The following EFCAB6 variants were observed in gnomAD, a reference collection of about 807,000 sequenced individuals.
EFCAB6 encodes EF-hand calcium binding domain 6.
EFCAB6 carries 156 observed loss-of-function variants against 169.8 expected under a neutral mutation model. The observed-to-expected ratio is 0.92, with a 90% confidence interval of 0.81 to 1.05. The LOEUF (loss-of-function observed/expected upper bound fraction) is 1.05, where lower values mean the gene tolerates loss of function less well. Among genes scored for constraint, EFCAB6 ranks in the 50% least tolerant of loss-of-function variants. EFCAB6 has a pLI of 0.00. For synonymous variants in EFCAB6, 698 were observed against 676.4 expected, an observed-to-expected ratio of 1.03 and a Z score of -0.50; for missense variants, 1,800 against 1,829.1, an observed-to-expected ratio of 0.98 and a Z score of 0.29.
rs185178172 is a variant in EFCAB6 at position 43,633,359 on chromosome 22, C to A, written c.2099-1121G>T. ...GGTCAAGAGATCGAGACCATCCTGG[C>A]CAACATGGTGAAACCCCATCTCTAC... On this transcript the variant is annotated intron_variant, in intron 18 of 31. Coordinates refer to ENST00000262726, the MANE Select transcript of EFCAB6 (RefSeq NM_022785.4). 2.0e-3 allele frequency among the ~76,000 whole-genome samples: 308 copies of A among 152,310 alleles called. 1 individual carries two copies. The highest frequency in any genetic ancestry group is 7.1e-3 in the African/African-American group (296 of 41,580).
chr22:43,744,532 A>C lies in EFCAB6; in HGVS notation c.508-8539T>G, dbSNP rs1333614259. Among the ~76,000 whole-genome samples the C allele has an allele frequency of 6.6e-6, 1 of 152,106 alleles. No homozygotes were observed. The highest frequency in any genetic ancestry group is 1.5e-5 in the Non-Finnish European group (1 of 68,016). On this transcript the variant is annotated intron_variant, in intron 6 of 31. Coordinates refer to ENST00000262726, the MANE Select transcript of EFCAB6 (RefSeq NM_022785.4). The surrounding 1 kb of genome is among the most constrained non-coding windows in gnomAD (Gnocchi z 4.3). ...GTTAAGAGGACACCATGACAGGTAG[A>C]AATCTTGAGCTGTCCTGTTCCCAAG... is the stretch of plus-strand genomic sequence containing the variant.
At chr22:43,709,629 C>G (rs1478189350) in intron 10 of EFCAB6, among the ~76,000 whole-genome samples, 1 of 152,110 alleles carries the variant, frequency 6.6e-6, no homozygotes, top group Non-Finnish European at 1.5e-5. Context: ...GAATGTGGAA[C>G]AATGAAAATA....
chr22:43,598,095 T>C (rs1284513923), intron 23 of EFCAB6, among the ~76,000 whole-genome samples: 1 of 151,906 alleles, frequency 6.6e-6, no homozygotes, highest in Non-Finnish European at 1.5e-5. Context: ...GTGGGTGAGC[T>C]CAGGAGTTTG....
At chr22:43,668,715 A>G (rs1307188659) in intron 16 of EFCAB6, among the ~76,000 whole-genome samples, 157 bp downstream of exon 16, 1 of 152,214 alleles carries the variant, frequency 6.6e-6, no homozygotes, top group Non-Finnish European at 1.5e-5. Context: ...TGCTTGCTCT[A>G]AAATTCCCTG....
chr22:43,741,105 C>T (rs1318388357), intron 6 of EFCAB6, among the ~76,000 whole-genome samples: 1 of 152,098 alleles, frequency 6.6e-6, no homozygotes, highest in Non-Finnish European at 1.5e-5. Context: ...CAAGACTTGT[C>T]CCACACAGGG....
chr22:43,803,074 A>G (rs997322190), intron 2 of EFCAB6, among the ~76,000 whole-genome samples: 7 of 152,172 alleles, frequency 4.6e-5, no homozygotes, highest in African/African-American at 1.7e-4. Context: ...GGAGGGGAAA[A>G]CAAATTTATT....
At chr22:43,547,425 T>C (rs1356829826) in intron 27 of EFCAB6, among the ~76,000 whole-genome samples, 4 of 151,984 alleles carry the variant, frequency 2.6e-5, no homozygotes, top group Non-Finnish European at 5.9e-5. Flanking sequence ...AAACCAATAG[T>C]GGGGAAAAAA....
chr22:43,716,906 G>T lies in EFCAB6; in HGVS notation c.824C>A (p.Ser275Tyr). The change falls in exon 9 of 32, where the codon TCT becomes TAT. Residue 275 changes from serine (S) to tyrosine (Y), a missense_variant. Physicochemically the swap from Ser to Tyr is moderately radical, Grantham distance 144. Transcript: ENST00000262726. The part of the protein sequence containing the change: ...KKERLLGSAS[S>Y]EDIWRNYSLD... ...GGAGTAGTTTCTCCAGATATCTTCA[G>T]ATGATGCAGAACCTAGCAAACGTTC... is the stretch of plus-strand genomic sequence containing the variant. 6.2e-7 allele frequency: 1 copy of T among 1,603,820 alleles called. No homozygotes were observed.
At chr22:43,539,322 T>C (rs567867291) in intron 28 of EFCAB6, among the ~76,000 whole-genome samples, 3 of 152,358 alleles carry the variant, frequency 2.0e-5, no homozygotes, top group Admixed American at 1.3e-4. Context: ...TAAACACTTA[T>C]GCATACTGCT....
At chr22:43,543,836 A>G (rs368393566) in intron 27 of EFCAB6, among the ~76,000 whole-genome samples, 2 of 152,106 alleles carry the variant, frequency 1.3e-5, no homozygotes, top group African/African-American at 4.8e-5. Flanking sequence ...TGGCGCAGGA[A>G]TGCTGAGAAG....
intron 19 of EFCAB6, among the ~76,000 whole-genome samples, chr22:43,631,405 A>C (rs980378631): frequency 6.6e-6 from 1 of 151,020 alleles, no homozygotes; most frequent in South Asian, 2.1e-4. Context: ...CGCCACGCAC[A>C]CCTCCACCAC....
In EFCAB6 at chr22:43,795,437, G is replaced by A. The variant is rs2062468763; in HGVS notation, c.-7-13112C>T. ...ACATCATGCCTACCAGTGCCCACTAGGCAGGAGAGGAGCTGCCTCCTGCCC... is the reference window on the plus strand; with the variant it reads ...ACATCATGCCTACCAGTGCCCACTAAGCAGGAGAGGAGCTGCCTCCTGCCC... On this transcript the variant is annotated intron_variant, in intron 2 of 31. Transcript: ENST00000262726. The surrounding 1 kb of genome is among the most constrained non-coding windows in gnomAD (Gnocchi z 4.2). Among the ~76,000 whole-genome samples the A allele has an allele frequency of 6.6e-6, 1 of 152,060 alleles. No homozygotes were observed. Among genetic ancestry groups the A allele is most frequent in the African/African-American group, 2.4e-5 (1 of 41,374 alleles).
intron 17 of EFCAB6, among the ~76,000 whole-genome samples, chr22:43,664,287 G>A (rs2057142334): frequency 1.3e-5 from 2 of 152,200 alleles, no homozygotes; most frequent in African/African-American, 2.4e-5. Context: ...GCTGCACTGG[G>A]GATGCCAAAT....
chr22:43,632,298 T>TC lies in EFCAB6; in HGVS notation c.2099-61_2099-60insG, dbSNP rs1399539642. ...TGCCCATCAGCTTCATTCCTTCTTT[T>TC]TTTTTTTTTTTTTTTTTTGAGACGG... On this transcript the variant is annotated intron_variant, in intron 18 of 31. Transcript: ENST00000262726. The TC allele has an allele frequency of 1.0e-4, 106 of 1,032,542 alleles. No homozygotes were observed. In the Middle Eastern group the frequency reaches 1.1e-3, roughly 11 times the overall value. 64.0% of individuals were successfully genotyped at this position (1,032,542 alleles called of 1,614,324 possible). A position where few individuals can be genotyped will look rare whatever the true frequency, so the allele number is the denominator to read the frequency against.
rs1257476478 is a variant in EFCAB6, at chr22:43,683,796, G to T, written c.1202C>A (p.Thr401Asn). The change falls in exon 12 of 32, where the codon ACT becomes AAT. Residue 401 changes from threonine (T) to asparagine (N), a missense_variant. Transcript: ENST00000262726. ...ENIITKLFRH[T>N]EDHSASLKKA... ...CTTCAGTGACGCAGAGTGATCTTCAGTGTGTCTAAATAACTTTGTGATGAT... is the reference window on the plus strand; with the variant it reads ...CTTCAGTGACGCAGAGTGATCTTCATTGTGTCTAAATAACTTTGTGATGAT... The T allele has an allele frequency of 6.2e-7, 1 of 1,613,672 alleles. No homozygotes were observed. The highest frequency in any genetic ancestry group is 2.2e-5 in the East Asian group (1 of 44,896).
In EFCAB6 at chr22:43,571,350, G is replaced by A. The variant is rs190643181; in HGVS notation, c.3420+4947C>T. Among the ~76,000 whole-genome samples the A allele has an allele frequency of 3.7e-4, 57 of 152,308 alleles. 1 individual carries two copies. In the East Asian group the frequency reaches 8.3e-3, roughly 22 times the overall value. On this transcript the variant is annotated intron_variant, in intron 26 of 31. Transcript: ENST00000262726. ...TCACGGTGAACTTGCTTTGCGGGGA[G>A]AGTTGCCGACTGTCTTAATTACATT...
intron 5 of EFCAB6, among the ~76,000 whole-genome samples, chr22:43,761,924 A>G (rs1424632848): frequency 6.6e-6 from 1 of 152,136 alleles, no homozygotes; most frequent in African/African-American, 2.4e-5. Flanking sequence ...TATTACATCT[A>G]TTGGTTTGCA....
At chr22:43,676,508 A>T (rs1439945928) in intron 13 of EFCAB6, among the ~76,000 whole-genome samples, 6 of 152,040 alleles carry the variant, frequency 3.9e-5, no homozygotes, top group African/African-American at 9.7e-5. Context: ...AATTTATCAA[A>T]ATTTTAACTG....
At chr22:43,657,452 C>T (rs913254728) in intron 17 of EFCAB6, among the ~76,000 whole-genome samples, 1 of 149,716 alleles carries the variant, frequency 6.7e-6, no homozygotes, top group Non-Finnish European at 1.5e-5. Context: ...TAGAAAATCC[C>T]AACTGTTTTG....
Sources: gnomAD v4.1 joint callset for allele counts (sites outside exome capture counted in the v4.1 genomes callset) on GRCh38, gnomAD v4.1.1 for gene constraint, Gnocchi (gnomAD v3.1) non-coding constraint, MANE v1.5 for transcripts, NCBI Gene and HGNC (gene_info 2026-07-23, HGNC 2026-07-21) for gene names.